MAPKAP1: variants seen among roughly 807,000 people sequenced by gnomAD.
The protein encoded by MAPKAP1 is target of rapamycin complex 2 subunit MAPKAP1.
MAPKAP1 carries 20 observed loss-of-function variants against 65.7 expected under a neutral mutation model. The observed-to-expected ratio is 0.30, with a 90% CI of 0.21 to 0.44. The LOEUF (loss-of-function observed/expected upper bound fraction) is 0.44, where lower values mean the gene tolerates loss of function less well. Among genes scored for constraint, MAPKAP1 ranks in the 20% least tolerant of loss-of-function variants. The pLI, the probability that MAPKAP1 is intolerant of heterozygous loss-of-function variation, is 1.00. For missense variants in MAPKAP1, 423 were observed against 648.0 expected (o/e 0.65, Z 3.77); for synonymous variants, 222 against 244.3 (o/e 0.91, Z 0.85).
chr9:125,691,046 G>A, intron 1 of MAPKAP1, among the ~76,000 whole-genome samples: 1 of 152,190 alleles, frequency 6.6e-6, no homozygotes, highest in Admixed American at 6.5e-5. Context: ...TGGATCGCGA[G>A]GTCAGGAGAA....
intron 4 of MAPKAP1, among the ~76,000 whole-genome samples, chr9:125,629,477 T>C (rs1833211800): frequency 6.6e-6 from 1 of 152,246 alleles, no homozygotes; most frequent in African/African-American, 2.4e-5. Context: ...GAGGACATGA[T>C]GCTAAGTGAA....
At chr9:125,632,733 T>C (rs1263636575) in intron 4 of MAPKAP1, among the ~76,000 whole-genome samples, 1 of 152,166 alleles carries the variant, frequency 6.6e-6, no homozygotes, top group Non-Finnish European at 1.5e-5. Flanking sequence ...CTGACAGCAA[T>C]GAACACACAA....
intron 5 of MAPKAP1, among the ~76,000 whole-genome samples, chr9:125,575,919 A>G (rs2131550912): frequency 6.6e-6 from 1 of 152,354 alleles, no homozygotes; most frequent in South Asian, 2.1e-4. Flanking sequence ...CTTTATTCAT[A>G]ATTCCCAAAA....
intron 1 of MAPKAP1, among the ~76,000 whole-genome samples, chr9:125,706,215 A>G (rs1247467792): frequency 6.6e-6 from 1 of 151,836 alleles, no homozygotes; most frequent in Non-Finnish European, 1.5e-5. Context: ...TTACGGATCC[A>G]CCTCTCCTGC....
chr9:125,542,796 G>A (rs1830291038), intron 7 of MAPKAP1, among the ~76,000 whole-genome samples: 1 of 152,178 alleles, frequency 6.6e-6, no homozygotes, highest in Non-Finnish European at 1.5e-5. Context: ...AAGTAGCTCT[G>A]TCTGAGTCTA....
At chr9:125,505,974 A>G in intron 8 of MAPKAP1, 1 of 314,776 alleles carries the variant, frequency 3.2e-6, no homozygotes, top group Non-Finnish European at 6.1e-6. Flanking sequence ...AGTGATACTG[A>G]CAGGGCCAGC....
intron 4 of MAPKAP1, among the ~76,000 whole-genome samples, chr9:125,633,646 T>G (rs1407169432): frequency 6.6e-6 from 1 of 152,198 alleles, no homozygotes; most frequent in Non-Finnish European, 1.5e-5. Flanking sequence ...TATGTACTCA[T>G]AGTCAGTGTA....
chr9:125,667,302 T>C (rs1253195052), intron 3 of MAPKAP1, among the ~76,000 whole-genome samples: 1 of 152,172 alleles, frequency 6.6e-6, no homozygotes, highest in Non-Finnish European at 1.5e-5. Flanking sequence ...GATGCACCTA[T>C]ATTTGATGTA....
At chr9:125,486,646 C>G (rs1854508095) in intron 8 of MAPKAP1, among the ~76,000 whole-genome samples, 1 of 152,178 alleles carries the variant, frequency 6.6e-6, no homozygotes, top group African/African-American at 2.4e-5. Flanking sequence ...TTTGCAAACA[C>G]TACAGTAATT....
chr9:125,639,417 G>C (rs1449831089), intron 4 of MAPKAP1, among the ~76,000 whole-genome samples: 1 of 152,206 alleles, frequency 6.6e-6, no homozygotes, highest in African/African-American at 2.4e-5. Flanking sequence ...TCACAAGGCT[G>C]TTTTGAGAAT....
At chr9:125,501,069 A>G (rs1483134453) in intron 8 of MAPKAP1, among the ~76,000 whole-genome samples, 3 of 152,204 alleles carry the variant, frequency 2.0e-5, no homozygotes, top group Non-Finnish European at 4.4e-5. Context: ...TTACACTAAG[A>G]CATTGTCTCA....
chr9:125,584,311 T>G (rs921688117), intron 5 of MAPKAP1, among the ~76,000 whole-genome samples: 2 of 152,060 alleles, frequency 1.3e-5, no homozygotes, highest in Non-Finnish European at 2.9e-5. Flanking sequence ...AATAAGAATT[T>G]GAAAAAATCA....
intron 11 of MAPKAP1, among the ~76,000 whole-genome samples, chr9:125,443,897 C>T (rs1852597581): frequency 6.6e-6 from 1 of 152,158 alleles, no homozygotes; most frequent in African/African-American, 2.4e-5. Context: ...ACCTTTGAGA[C>T]TAACGATCTC....
chr9:125,706,949 T>C (rs1004060641), intron 1 of MAPKAP1, 22 bp downstream of exon 1: 11 of 392,884 alleles, frequency 2.8e-5, no homozygotes, highest in Admixed American at 4.4e-5. Context: ...GGCGGGGAGC[T>C]GGCGGCTGGG....
chr9:125,643,542 C>T (rs972801072), intron 4 of MAPKAP1, among the ~76,000 whole-genome samples: 2 of 152,078 alleles, frequency 1.3e-5, no homozygotes, highest in Non-Finnish European at 2.9e-5. Context: ...TATACAAATC[C>T]TTCTATATCA....
chr9:125,544,429 T>C (rs1830362233), intron 6 of MAPKAP1, among the ~76,000 whole-genome samples: 1 of 152,190 alleles, frequency 6.6e-6, no homozygotes, highest in Non-Finnish European at 1.5e-5. Context: ...ACACTCCTTG[T>C]AAGCTTCCAA....
At chr9:125,464,065 T>C (rs954656925) in intron 10 of MAPKAP1, among the ~76,000 whole-genome samples, 2 of 151,986 alleles carry the variant, frequency 1.3e-5, no homozygotes, top group African/African-American at 4.8e-5. Context: ...GCCACAGCAT[T>C]CAAAGCCTGT....
chr9:125,693,993 C>T (rs1244983894), intron 1 of MAPKAP1, among the ~76,000 whole-genome samples: 1 of 151,832 alleles, frequency 6.6e-6, no homozygotes, highest in African/African-American at 2.4e-5. Context: ...TATAGCAAGA[C>T]CCCTTCTCTG....
At chr9:125,702,185 G>A (rs1296981357) in intron 1 of MAPKAP1, among the ~76,000 whole-genome samples, 1 of 152,012 alleles carries the variant, frequency 6.6e-6, no homozygotes, top group Non-Finnish European at 1.5e-5. Context: ...TCATTTGAAG[G>A]CAGGAGTTCA....
Sources: gnomAD v4.1 joint callset for allele counts (sites outside exome capture counted in the v4.1 genomes callset) on GRCh38, gnomAD v4.1.1 for gene constraint, MANE v1.5 for transcripts, NCBI Gene and HGNC (gene_info 2026-07-23, HGNC 2026-07-21) for gene names.